Variants in ELOVL5 observed in about 807,000 individuals in gnomAD.
ELOVL5 encodes ELOVL fatty acid elongase 5.
ELOVL5 carries 8 observed loss-of-function variants against 38.6 expected under a neutral mutation model. The ratio of observed to expected loss-of-function variants is 0.21; its 90% CI spans 0.12 to 0.37. The LOEUF (loss-of-function observed/expected upper bound fraction) is 0.37. ELOVL5 is among the 10% of genes least tolerant of loss of function. The pLI is 1.00. For synonymous variants in ELOVL5, 127 were observed against 133.7 expected (o/e 0.95, Z 0.34); for missense variants, 280 against 367.8 (o/e 0.76, Z 1.95).
At chr6:53,301,547 G>A (rs1767249928) in intron 1 of ELOVL5, among the ~76,000 whole-genome samples, 2 of 152,076 alleles carry the variant, frequency 1.3e-5, no homozygotes, top group Admixed American at 1.3e-4. Context: ...TCTTTAACCA[G>A]GAGTCTCTGA....
chr6:53,326,270 TC>T (rs998643869), intron 1 of ELOVL5, among the ~76,000 whole-genome samples: 26 of 152,280 alleles, frequency 1.7e-4, no homozygotes, highest in Admixed American at 4.6e-4. Flanking sequence ...CATTCTTGCC[TC>T]CTTCTATCCA....
intron 3 of ELOVL5, chr6:53,287,915 C>G (rs572120976): frequency 2.6e-6 from 4 of 1,535,692 alleles, no homozygotes; most frequent in African/African-American, 1.4e-5. Context: ...GAGGCACAGG[C>G]AGATCGACGG....
In ELOVL5 at chr6:53,267,614, C is replaced by T. The variant is rs577377753; in HGVS notation, c.*1513G>A. The T allele has an allele frequency of 5.2e-5, 8 of 152,692 alleles. No homozygotes were observed. The South Asian group carries it at 1.7e-3, about 32-fold the overall frequency. The allele number at this position is 152,692 out of a possible 1,614,324, so 9.5% of individuals were successfully genotyped here. A position where few individuals can be genotyped will look rare whatever the true frequency, so the allele number is the denominator to read the frequency against. ...TTGATAAGGTAAATGTAAACAGATG[C>T]CATGACTCCTTTTCAAACAGAAAAC... On this transcript the variant is annotated 3_prime_UTR_variant, in exon 8 of 8. Coordinates refer to ENST00000304434, the MANE Select transcript of ELOVL5 (RefSeq NM_021814.5).
At chr6:53,333,148 G>T (rs767684255) in intron 1 of ELOVL5, among the ~76,000 whole-genome samples, 2 of 149,226 alleles carry the variant, frequency 1.3e-5, no homozygotes, top group African/African-American at 5.0e-5. Flanking sequence ...CAGTGTTAAA[G>T]AGAGTGTTAA....
At chr6:53,290,381 T>C (rs1766728373) in intron 3 of ELOVL5, 1 of 152,200 alleles carries the variant, frequency 6.6e-6, no homozygotes, top group African/African-American at 2.4e-5. Context: ...TATGGAAAAG[T>C]AAGCAGTTCA....
chr6:53,269,556 G>A (rs2127564712), intron 7 of ELOVL5, among the ~76,000 whole-genome samples: 1 of 151,958 alleles, frequency 6.6e-6, no homozygotes, highest in South Asian at 2.1e-4. Context: ...ACTTTGCTTT[G>A]CCTTTTAGTA....
chr6:53,269,212 C>T lies in ELOVL5; in HGVS notation c.815G>A (p.Gly272Glu), dbSNP rs1765836645. The T allele has an allele frequency of 1.2e-6, 2 of 1,613,508 alleles. No individual in the cohort carries two copies. The highest frequency in any genetic ancestry group is 1.3e-5 in the African/African-American group (1 of 74,902). Residue 272 changes from glycine (G) to glutamate (E), a missense_variant, in exon 8 of 8, where the codon GGG becomes GAG. This residue lies in a region of ELOVL5 where 125 missense variants were observed against 158.9 expected (regional missense o/e 0.79). Transcript: ENST00000304434. ...RKDHLKDHQN[G>E]SMAAVNGHTN... ...GTGTCCATTCACAGCAGCCATGGACCCATTCTGGTGGTCCTTCAGGTGGTC... is the reference window on the plus strand; with the variant it reads ...GTGTCCATTCACAGCAGCCATGGACTCATTCTGGTGGTCCTTCAGGTGGTC...
chr6:53,294,287 GC>G (rs1379225805), intron 2 of ELOVL5: 2 of 1,563,744 alleles, frequency 1.3e-6, no homozygotes, highest in Non-Finnish European at 1.7e-6. Flanking sequence ...GCTGGTTCAG[GC>G]AGGGGCATGT....
At chr6:53,272,434 G>A (rs761475706) in intron 6 of ELOVL5, among the ~76,000 whole-genome samples, 5 of 152,136 alleles carry the variant, frequency 3.3e-5, no homozygotes, top group Admixed American at 6.5e-5. Context: ...ACTGTGCCTG[G>A]CTTGGGGACA....
At chr6:53,306,111 G>A (rs1767528776) in intron 1 of ELOVL5, among the ~76,000 whole-genome samples, 1 of 150,724 alleles carries the variant, frequency 6.6e-6, no homozygotes, top group Admixed American at 6.6e-5. Flanking sequence ...GGCGGAGGCA[G>A]GAGAATCAGG....
intron 1 of ELOVL5, among the ~76,000 whole-genome samples, chr6:53,312,478 T>C (rs1407032057): frequency 6.6e-6 from 1 of 152,132 alleles, no homozygotes; most frequent in Non-Finnish European, 1.5e-5. Flanking sequence ...ACTATAAAGA[T>C]AGAAAAGAGA....
At chr6:53,343,119 T>C (rs896131087) in intron 1 of ELOVL5, among the ~76,000 whole-genome samples, 1 of 152,224 alleles carries the variant, frequency 6.6e-6, no homozygotes, top group African/African-American at 2.4e-5. Flanking sequence ...AGTGATGTTT[T>C]AATCTCATAA....
At chr6:53,271,493 C>T (rs1438624045) in intron 6 of ELOVL5, among the ~76,000 whole-genome samples, 2 of 151,858 alleles carry the variant, frequency 1.3e-5, no homozygotes, top group African/African-American at 2.4e-5. Context: ...GAGGTTGCAG[C>T]GAACCGAGAT....
intron 3 of ELOVL5, among the ~76,000 whole-genome samples, chr6:53,283,780 A>T (rs1766455431): frequency 6.6e-6 from 1 of 152,236 alleles, no homozygotes; most frequent in Non-Finnish European, 1.5e-5. Context: ...TCTGGAATAA[A>T]TCTTCAAAGT....
intron 1 of ELOVL5, among the ~76,000 whole-genome samples, chr6:53,307,493 A>G (rs1020195956): frequency 5.9e-5 from 9 of 152,234 alleles, no homozygotes; most frequent in African/African-American, 1.9e-4. Flanking sequence ...TTCTATTATT[A>G]TCATCATTAC....
Position 53,291,763 on chromosome 6 carries a change from A to G in ELOVL5, c.246+13T>C. Reference sequence around the variant, plus strand: ...TTTATGTGAAAGGAAGACTGTGTTAACCTTTGACTTACCTCACAGAACATA... The same window carrying G: ...TTTATGTGAAAGGAAGACTGTGTTAGCCTTTGACTTACCTCACAGAACATA... On this transcript the variant is annotated intron_variant, in intron 3 of 7. Coordinates refer to ENST00000304434, the MANE Select transcript of ELOVL5 (RefSeq NM_021814.5). The G allele has an allele frequency of 6.3e-7, 1 of 1,598,318 alleles. No individual in the cohort carries two copies.
rs1439403226 is a variant in ELOVL5 at position 53,322,551 on chromosome 6, A to G, written c.-9+26266T>C. Among the ~76,000 whole-genome samples, 5 of 152,204 alleles carry G rather than the reference A, an allele frequency of 3.3e-5. No homozygotes were observed. The East Asian group carries it at 9.6e-4, about 29-fold the overall frequency. On this transcript the variant is annotated intron_variant, in intron 1 of 7. Coordinates refer to ENST00000304434, the MANE Select transcript of ELOVL5 (RefSeq NM_021814.5). ...TCACAGGACACAAATGAGAAACCCC[A>G]AAGACTCCTCTTGCCTGCACTTTTC...
rs1323210052 is a variant in ELOVL5 at position 53,308,698 on chromosome 6, A to T, written c.-8-12991T>A. Among the ~76,000 whole-genome samples the T allele has an allele frequency of 9.9e-5, 15 of 151,874 alleles. No homozygotes were observed. The East Asian group carries it at 2.9e-3, about 29-fold the overall frequency. ...GCTATATATATCAATTAAGTTTTGG[A>T]CTCTTACTAAAATCCCCTGCCACCC... On this transcript the variant is annotated intron_variant, in intron 1 of 7. Transcript: ENST00000304434.
intron 1 of ELOVL5, chr6:53,337,026 T>A (rs1769103860): frequency 1.3e-5 from 2 of 152,166 alleles, no homozygotes; most frequent in South Asian, 4.1e-4. Flanking sequence ...ACCAGCAAGG[T>A]CTGGTGAGGG....
Sources: allele counts gnomAD v4.1 joint callset (sites outside exome capture counted in the v4.1 genomes callset), GRCh38; gene constraint gnomAD v4.1.1; regional missense constraint gnomAD v4.1.1; transcripts MANE v1.5; gene names NCBI Gene and HGNC (gene_info 2026-07-23, HGNC 2026-07-21).